ZNF253: variants seen among roughly 807,000 people sequenced by gnomAD.
The protein encoded by ZNF253 is DNA-binding protein.
A neutral mutation model predicts 11.9 loss-of-function variants in ZNF253; 8 were observed. The observed-to-expected ratio is 0.67, with a 90% CI of 0.40 to 1.22. The LOEUF (loss-of-function observed/expected upper bound fraction) is 1.22, where lower values mean the gene tolerates loss of function less well. ZNF253 is among the 50% of genes most tolerant of loss of function. The pLI, the probability that ZNF253 is intolerant of heterozygous loss-of-function variation, is 0.01. For synonymous variants in ZNF253, 194 were observed against 194.9 expected (o/e 1.00, Z 0.04); for missense variants, 485 against 586.9 (o/e 0.83, Z 1.79).
chr19:19,887,584 T>C (rs968334194), intron 3 of ZNF253, among the ~76,000 whole-genome samples: 12 of 152,088 alleles, frequency 7.9e-5, no homozygotes, highest in African/African-American at 2.9e-4. Flanking sequence ...TGACTTAAAG[T>C]ACATTTTATA....
intron 1 of ZNF253, 126 bp from the exon 2 acceptor site, chr19:19,878,355 A>G: frequency 2.0e-6 from 3 of 1,507,156 alleles, no homozygotes; most frequent in Non-Finnish European, 2.7e-6. Flanking sequence ...AAAATATTTT[A>G]TTGGATAATT....
chr19:19,879,354 A>G (rs2063167921), intron 2 of ZNF253, among the ~76,000 whole-genome samples: 3 of 152,226 alleles, frequency 2.0e-5, no homozygotes, highest in Admixed American at 2.0e-4. Context: ...TCTTTAATGT[A>G]GAAAAGTATT....
intron 1 of ZNF253, among the ~76,000 whole-genome samples, chr19:19,867,915 A>G (rs1599548140): frequency 6.7e-6 from 1 of 148,674 alleles, no homozygotes; most frequent in Non-Finnish European, 1.5e-5. Flanking sequence ...GTGGTATCTC[A>G]TTGTGGTTTC....
chr19:19,873,396 G>A (rs1181976138), intron 1 of ZNF253, among the ~76,000 whole-genome samples: 1 of 152,104 alleles, frequency 6.6e-6, no homozygotes, highest in Non-Finnish European at 1.5e-5. Flanking sequence ...CTCCAGCCTG[G>A]CTTATCATTG....
chr19:19,884,536 T>A (rs1410321972), intron 3 of ZNF253, among the ~76,000 whole-genome samples: 1 of 152,062 alleles, frequency 6.6e-6, no homozygotes, highest in Non-Finnish European at 1.5e-5. Flanking sequence ...ATCACCCATC[T>A]AGTTTTTGTA....
chr19:19,865,987 A>G lies in ZNF253; in HGVS notation c.-10A>G, dbSNP rs1442517410. 1 of 1,614,126 alleles carries G rather than the reference A, an allele frequency of 6.2e-7. No homozygotes were observed. Among genetic ancestry groups the G allele is most frequent in the Admixed American group, 1.7e-5 (1 of 60,020 alleles). Reference sequence around the variant, plus strand: ...CACAGCTAAACCCCGGGACCCCTGGAAGCCTAGAAATGGTGAGTGCCGGGT... The same window carrying G: ...CACAGCTAAACCCCGGGACCCCTGGGAGCCTAGAAATGGTGAGTGCCGGGT... On this transcript the variant is annotated 5_prime_UTR_variant, in exon 1 of 4. Transcript: ENST00000589717.
chr19:19,885,288 T>C lies in ZNF253; in HGVS notation c.226+5142T>C, dbSNP rs554839507. On this transcript the variant is annotated intron_variant, in intron 3 of 3. Transcript: ENST00000589717. ...CTTTCTTTCTTTCTTTCTTTCTTTCTTTCTCTTTCTTTTCTTTCTTTCTTT... is the reference window on the plus strand; with the variant it reads ...CTTTCTTTCTTTCTTTCTTTCTTTCCTTCTCTTTCTTTTCTTTCTTTCTTT... Among the ~76,000 whole-genome samples, 68 of 44,710 alleles carry C rather than the reference T, an allele frequency of 1.5e-3. 6 individuals carry two copies. In the African/African-American group the frequency reaches 0.023, roughly 15 times the overall value. The allele number at this position is 44,710 out of a possible 152,430, so 29.3% of individuals were successfully genotyped here. A position where few individuals can be genotyped will look rare whatever the true frequency, so the allele number is the denominator to read the frequency against.
chr19:19,879,525 A>G (rs183761914), intron 2 of ZNF253, among the ~76,000 whole-genome samples: 20 of 105,476 alleles, frequency 1.9e-4, no homozygotes, highest in Admixed American at 9.4e-4. Flanking sequence ...AAATGAGAAC[A>G]TGAACCCCTA....
In ZNF253 at chr19:19,893,198, G is replaced by A. The variant is rs2063241488; in HGVS notation, c.*451G>A. On this transcript the variant is annotated 3_prime_UTR_variant, in exon 4 of 4. Transcript: ENST00000589717. ...TCACAATGTTGGCCAGGCTGGTCTCGAACTCCTGACCTCAGGTGATCCACC... is the reference window on the plus strand; with the variant it reads ...TCACAATGTTGGCCAGGCTGGTCTCAAACTCCTGACCTCAGGTGATCCACC... 1 of 161,862 alleles carries A rather than the reference G, an allele frequency of 6.2e-6. No individual in the cohort carries two copies. Among genetic ancestry groups the A allele is most frequent in the Non-Finnish European group, 1.4e-5 (1 of 73,890 alleles). The allele number at this position is 161,862 out of a possible 1,614,324, so 10.0% of individuals were successfully genotyped here.
chr19:19,893,430 ATAAAT>A lies in ZNF253; in HGVS notation c.*686_*690del, dbSNP rs1180207284. The A allele has an allele frequency of 6.6e-6, 1 of 152,296 alleles. No individual in the cohort carries two copies. The highest frequency in any genetic ancestry group is 1.5e-5 in the Non-Finnish European group (1 of 68,084). The allele number at this position is 152,296 out of a possible 1,614,324, so 9.4% of individuals were successfully genotyped here. On this transcript the variant is annotated 3_prime_UTR_variant, in exon 4 of 4. Coordinates refer to ENST00000589717, the MANE Select transcript of ZNF253 (RefSeq NM_021047.3). ...ACCTCCACATTTCCTATACATAAAA[ATAAAT>A]TATACTAGTGTAATACCCTAGAAAT... is the stretch of plus-strand genomic sequence containing the variant.
chr19:19,894,604 C>T lies in ZNF253; in HGVS notation c.*1857C>T, dbSNP rs932798851. On this transcript the variant is annotated 3_prime_UTR_variant, in exon 4 of 4. Transcript: ENST00000589717. Reference sequence around the variant, plus strand: ...GGTCTAACCTACATTAACATGTATGCGGAACATCTTAAAACTTTTTTTCAA... The same window carrying T: ...GGTCTAACCTACATTAACATGTATGTGGAACATCTTAAAACTTTTTTTCAA... 1 of 151,904 alleles carries T rather than the reference C, an allele frequency of 6.6e-6. No homozygotes were observed. Among genetic ancestry groups the T allele is most frequent in the African/African-American group, 2.4e-5 (1 of 41,338 alleles). 9.4% of individuals were successfully genotyped at this position (151,904 alleles called of 1,614,324 possible).
intron 1 of ZNF253, among the ~76,000 whole-genome samples, chr19:19,877,759 A>T (rs541531309): frequency 9.8e-5 from 15 of 152,332 alleles, no homozygotes; most frequent in African/African-American, 3.6e-4. Context: ...TTGGTGACAT[A>T]GCTCTCTGAC....
chr19:19,885,347 T>C lies in ZNF253; in HGVS notation c.226+5201T>C, dbSNP rs2063201100. 2.9e-5 allele frequency among the ~76,000 whole-genome samples: 2 copies of C among 68,812 alleles called. 1 individual carries two copies. The highest frequency in any genetic ancestry group is 3.2e-4 in the Admixed American group (2 of 6,242). 45.1% of individuals were successfully genotyped at this position (68,812 alleles called of 152,430 possible). A position where few individuals can be genotyped will look rare whatever the true frequency, so the allele number is the denominator to read the frequency against. On this transcript the variant is annotated intron_variant, in intron 3 of 3. Transcript: ENST00000589717. ...CTTTCTTTCTTTCTTTCTTTCTTTC[T>C]TTCTTTCTTCCTTTCTTTTCTTTCT...
At position 19,891,828 on chromosome 19, in the gene ZNF253, A is replaced by C. The variant is rs980009264; in HGVS notation, c.581A>C (p.His194Pro). 9 of 1,614,078 alleles carry C rather than the reference A, an allele frequency of 5.6e-6. No homozygotes were observed. Among genetic ancestry groups the C allele is most frequent in the Non-Finnish European group, 6.8e-6 (8 of 1,180,026 alleles). ...ACCCTTACTACACATAAGAAAATTC[A>C]TACTGGAGAGAAACCTTACAGATGT... ...SSTLTTHKKI[H>P]TGEKPYRCEE... The change falls in exon 4 of 4, where the codon CAT becomes CCT. Residue 194 changes from histidine to proline, a missense_variant. His to Pro is a moderately conservative substitution (Grantham distance 77). Transcript: ENST00000589717.
chr19:19,868,098 C>CT (rs2063118937), intron 1 of ZNF253, among the ~76,000 whole-genome samples: 1 of 151,272 alleles, frequency 6.6e-6, no homozygotes, highest in African/African-American at 2.4e-5. Flanking sequence ...GGATATTAGA[C>CT]TTTTGTCAGA....
intron 3 of ZNF253, among the ~76,000 whole-genome samples, chr19:19,880,427 A>G (rs934893743): frequency 2.0e-5 from 3 of 152,164 alleles, no homozygotes; most frequent in Middle Eastern, 3.4e-3. Context: ...TGCGCGGGCT[A>G]GGAGTGGTGG....
At chr19:19,868,975 C>T (rs1441643928) in intron 1 of ZNF253, among the ~76,000 whole-genome samples, 2 of 151,936 alleles carry the variant, frequency 1.3e-5, no homozygotes, top group Non-Finnish European at 2.9e-5. Context: ...GTCATTTTCT[C>T]GGGTCCAGAT....
chr19:19,868,167 T>C (rs1401934475), intron 1 of ZNF253, among the ~76,000 whole-genome samples: 1 of 152,112 alleles, frequency 6.6e-6, no homozygotes, highest in Non-Finnish European at 1.5e-5. Context: ...GTTAATAGTT[T>C]CCTTTGCTGT....
At chr19:19,886,506 T>C (rs1477196649) in intron 3 of ZNF253, among the ~76,000 whole-genome samples, 1 of 152,182 alleles carries the variant, frequency 6.6e-6, no homozygotes, top group African/African-American at 2.4e-5. Context: ...GGGACACGTT[T>C]GGATCATGGG....
Sources: gnomAD v4.1 joint callset for allele counts (sites outside exome capture counted in the v4.1 genomes callset) on GRCh38, gnomAD v4.1.1 for gene constraint, MANE v1.5 for transcripts, NCBI Gene and HGNC (gene_info 2026-07-23, HGNC 2026-07-21) for gene names.